CCAR2: variants seen among roughly 807,000 people sequenced by gnomAD.
CCAR2 encodes the protein cell cycle and apoptosis regulator protein 2.
In CCAR2, 21 loss-of-function variants were observed where a neutral mutation model predicts 108.1. The ratio of observed to expected loss-of-function variants is 0.19; its 90% CI spans 0.14 to 0.28. The LOEUF is 0.28. CCAR2 is among the 10% of genes least tolerant of loss of function. The pLI, the probability that CCAR2 is intolerant of heterozygous loss-of-function variation, is 1.00. For missense variants in CCAR2, 1,126 were observed against 1,177.0 expected, an observed-to-expected ratio of 0.96 and a Z score of 0.63; for synonymous variants, 577 against 472.8, an observed-to-expected ratio of 1.22 and a Z score of -2.86.
At chr8:22,615,295 T>C (rs1319181313) in intron 11 of CCAR2, 130 bp from the exon 12 acceptor site, 2 of 1,167,156 alleles carry the variant, frequency 1.7e-6, no homozygotes, top group East Asian at 4.7e-5. Context: ...TTTCCTGTTG[T>C]GTCTTCAAAG....
At chr8:22,616,379 G>A (rs1801510169) in intron 14 of CCAR2, 131 bp downstream of exon 14, 12 of 814,584 alleles carry the variant, frequency 1.5e-5, no homozygotes, top group Admixed American at 4.3e-5. Flanking sequence ...GACTGAGGCC[G>A]CACAGCTAGT....
chr8:22,608,224 A>G (rs1232116033), intron 7 of CCAR2, 159 bp downstream of exon 7: 3 of 603,036 alleles, frequency 5.0e-6, no homozygotes, highest in Non-Finnish European at 8.9e-6. Flanking sequence ...GCTAGATCCT[A>G]GTCCCTTTTC....
chr8:22,615,289 C>T (rs1432914939), intron 11 of CCAR2, 136 bp from the exon 12 acceptor site: 4 of 1,127,260 alleles, frequency 3.5e-6, no homozygotes, highest in Admixed American at 2.2e-5. Flanking sequence ...TGTAGCTTTC[C>T]TGTTGTGTCT....
At chr8:22,612,858 A>G (rs965008506) in intron 7 of CCAR2, 159 bp from the exon 8 acceptor site, 12 of 749,736 alleles carry the variant, frequency 1.6e-5, no homozygotes, top group South Asian at 4.3e-5. Context: ...ATCCATTTTA[A>G]TATCTTTATA....
intron 8 of CCAR2, among the ~76,000 whole-genome samples, chr8:22,613,570 C>T (rs960442059): frequency 1.3e-5 from 2 of 152,190 alleles, no homozygotes; most frequent in Non-Finnish European, 2.9e-5. Flanking sequence ...TGCCAGTTCT[C>T]CTGAAGAGGC....
At position 22,617,405 on chromosome 8, in the gene CCAR2, T is replaced by C. The variant is rs2117461841; in HGVS notation, c.1846-15T>C. ...CTGCCTGCCTTTTCCTTATAACCTT[T>C]GTCTGCCTCTGTAGAAGGAGGATGG... On this transcript the variant is annotated splice_polypyrimidine_tract_variant and intron_variant, in intron 14 of 20. Coordinates refer to ENST00000308511, the MANE Select transcript of CCAR2 (RefSeq NM_001393997.1). 1.3e-6 allele frequency: 2 copies of C among 1,526,008 alleles called. No homozygotes were observed. The highest frequency in any genetic ancestry group is 1.8e-6 in the Non-Finnish European group (2 of 1,138,440). The allele number at this position is 1,526,008 out of a possible 1,614,324, so 94.5% of individuals were successfully genotyped here. A position where few individuals can be genotyped will look rare whatever the true frequency, so the allele number is the denominator to read the frequency against.
In CCAR2 at chr8:22,618,057, G is replaced by A. The variant is rs976248266; in HGVS notation, c.2073+279G>A. ...GCCAGAGAGGAAGGCTGGCTTGGGCGTGATGAACATCAGGCAAGGTGCTTG... is the reference window on the plus strand; with the variant it reads ...GCCAGAGAGGAAGGCTGGCTTGGGCATGATGAACATCAGGCAAGGTGCTTG... On this transcript the variant is annotated intron_variant, in intron 16 of 20. Coordinates refer to ENST00000308511, the MANE Select transcript of CCAR2 (RefSeq NM_001393997.1). 1.0e-4 allele frequency: 59 copies of A among 589,978 alleles called. 1 individual carries two copies. Among genetic ancestry groups the A allele is most frequent in the South Asian group, 4.3e-4 (21 of 48,620 alleles). 36.5% of individuals were successfully genotyped at this position (589,978 alleles called of 1,614,324 possible). A position where few individuals can be genotyped will look rare whatever the true frequency, so the allele number is the denominator to read the frequency against.
chr8:22,615,484 T>C lies in CCAR2; in HGVS notation c.1265T>C (p.Val422Ala), dbSNP rs1460015130. Reference sequence around the variant, plus strand: ...GGACCCCCCCGGCGGCTTCAGACAGTGGTGGTGTACCTGCCGGATGTCTGG... The same window carrying C: ...GGACCCCCCCGGCGGCTTCAGACAGCGGTGGTGTACCTGCCGGATGTCTGG... ...QPGPPRRLQT[V>A]VVYLPDVWTI... The change falls in exon 12 of 21, where the codon GTG becomes GCG. Residue 422 changes from valine (V) to alanine (A), a missense_variant. Physicochemically the swap from Val to Ala is moderately conservative, Grantham distance 64 (BLOSUM62 0). This residue lies in a region of CCAR2 where 1,013 missense variants were observed against 993.9 expected (regional missense o/e 1.02). Coordinates refer to ENST00000308511, the MANE Select transcript of CCAR2 (RefSeq NM_001393997.1). 1.2e-6 allele frequency: 2 copies of C among 1,613,716 alleles called. No homozygotes were observed. The highest frequency in any genetic ancestry group is 2.7e-5 in the African/African-American group (2 of 74,900).
Position 22,613,112 on chromosome 8 carries a change from A to T in CCAR2, c.680A>T (p.His227Leu). Residue 227 changes from histidine (H) to leucine (L), a missense_variant, in exon 8 of 21, where the codon CAC (histidine) becomes CTC (leucine). This residue lies in a region of CCAR2 where 1,013 missense variants were observed against 993.9 expected (regional missense o/e 1.02). Transcript: ENST00000308511. ...CATGACCTGCCTCCTTACCGGGTCC[A>T]CCTCACTCCTTACACTGTGGACAGG... ...PRHDLPPYRV[H>L]LTPYTVDSPI... 1 of 1,611,430 alleles carries T rather than the reference A, an allele frequency of 6.2e-7. No homozygotes were observed. The highest frequency in any genetic ancestry group is 1.1e-5 in the South Asian group (1 of 90,722).
chr8:22,609,384 T>G lies in CCAR2; in HGVS notation c.584+1319T>G, dbSNP rs572238404. Among the ~76,000 whole-genome samples, 4 of 152,318 alleles carry G rather than the reference T, an allele frequency of 2.6e-5. No homozygotes were observed. In the South Asian group the frequency reaches 8.3e-4, roughly 32 times the overall value. On this transcript the variant is annotated intron_variant, in intron 7 of 20. Transcript: ENST00000308511. The stretch of plus-strand genomic sequence containing the variant: ...CCAGGCTGGTCTCGAACTCCTGGGC[T>G]CAAGTCATCTTCCCACCTCAGCCTC...
rs368279178 is a variant in CCAR2 at position 22,607,962 on chromosome 8, T to C, written c.488-7T>C. 1.1e-5 allele frequency: 17 copies of C among 1,613,374 alleles called. No homozygotes were observed. The African/African-American group carries it at 2.3e-4, about 22-fold the overall frequency. On this transcript the variant is annotated splice_region_variant and splice_polypyrimidine_tract_variant and intron_variant, in intron 6 of 20. Coordinates refer to ENST00000308511, the MANE Select transcript of CCAR2 (RefSeq NM_001393997.1). Reference sequence around the variant, plus strand: ...TTTTTGAGTCACCAGTCATTTCCTTTCTGCAGCTCTGAGTCTCTTCCAAAC... The same window carrying C: ...TTTTTGAGTCACCAGTCATTTCCTTCCTGCAGCTCTGAGTCTCTTCCAAAC...
rs200090799 is a variant in CCAR2, at chr8:22,618,978, C to T, written c.2484C>T (p.Tyr828=). Reference sequence around the variant, plus strand: ...AGCAGCAGGACAGCGGCCGGCTCTACCTAGAGAACAAGATCCACACACTGG... The same window carrying T: ...AGCAGCAGGACAGCGGCCGGCTCTATCTAGAGAACAAGATCCACACACTGG... ...RAEQQDSGRL[Y]LENKIHTLEL... is the part of the protein sequence containing the mutation. The change falls in exon 19 of 21, where the codon TAC becomes TAT. Residue 828 remains tyrosine (Y), a synonymous_variant. Transcript: ENST00000308511. 14 of 1,613,176 alleles carry T rather than the reference C, an allele frequency of 8.7e-6. No homozygotes were observed. Among genetic ancestry groups the T allele is most frequent in the Middle Eastern group, 1.6e-4 (1 of 6,062 alleles).
At chr8:22,618,802 A>G in intron 18 of CCAR2, 25 bp from the exon 19 acceptor site, 1 of 1,613,024 alleles carries the variant, frequency 6.2e-7, no homozygotes, top group Non-Finnish European at 8.5e-7. Context: ...CTCCATCCTG[A>G]ATTCTTTTTC....
intron 15 of CCAR2, 52 bp downstream of exon 15, chr8:22,617,616 C>T: frequency 6.2e-7 from 1 of 1,611,306 alleles, no homozygotes; most frequent in Non-Finnish European, 8.5e-7. Context: ...TGGCTTTCCA[C>T]CTGTGGCCAA....
chr8:22,618,526 G>C (rs1169604421), intron 17 of CCAR2, 31 bp downstream of exon 17: 1 of 1,614,080 alleles, frequency 6.2e-7, no homozygotes, highest in Non-Finnish European at 8.5e-7. Flanking sequence ...CAGCACATGG[G>C]CACAGGCCTG....
downstream of CCAR2, chr8:22,620,880 TTAGGTCCCAAAGCCACA>T (rs1253881929): frequency 3.9e-5 from 6 of 152,576 alleles, no homozygotes; most frequent in African/African-American, 1.4e-4. Flanking sequence ...CCCCAACCAC[TTAGGTCCCAAAGCCACA>T]AGGGTGCCCT....
At chr8:22,618,057 G>T (rs976248266) in intron 16 of CCAR2, 3 of 590,096 alleles carry the variant, frequency 5.1e-6, no homozygotes, top group Non-Finnish European at 9.0e-6. Context: ...TGGCTTGGGC[G>T]TGATGAACAT....
downstream of CCAR2, chr8:22,621,447 G>A (rs1465008066): frequency 6.2e-7 from 1 of 1,613,592 alleles, no homozygotes; most frequent in Non-Finnish European, 8.5e-7. Flanking sequence ...AATGGAGAGG[G>A]CCCGGAGCTC....
At position 22,618,877 on chromosome 8, in the gene CCAR2, G is replaced by T. The variant is rs142292468; in HGVS notation, c.2383G>T (p.Ala795Ser). ...TGGGAAAAGCACGAAGCCAGGTGCT[G>T]CCCCCACAGAACACAAAGCCTTGGT... Reference protein sequence around the residue: ...PPGKSTKPGAAPTEHKALVSH... With the variant: ...PPGKSTKPGASPTEHKALVSH... The change falls in exon 19 of 21, where the codon GCC becomes TCC. Residue 795 changes from alanine to serine, a missense_variant. Transcript: ENST00000308511. 22 of 1,613,880 alleles carry T rather than the reference G, an allele frequency of 1.4e-5. No homozygotes were observed. In the African/African-American group the frequency reaches 2.3e-4, roughly 17 times the overall value.
Sources: gnomAD v4.1 joint callset for allele counts (sites outside exome capture counted in the v4.1 genomes callset) on GRCh38, gnomAD v4.1.1 for gene constraint, gnomAD v4.1.1 regional missense constraint, MANE v1.5 for transcripts, NCBI Gene and HGNC (gene_info 2026-07-23, HGNC 2026-07-21) for gene names.